CDH12: variants seen among roughly 807,000 people sequenced by gnomAD.
CDH12 encodes the protein cadherin-12.
A neutral mutation model predicts 74.1 loss-of-function variants in CDH12; 41 were observed. The observed-to-expected ratio is 0.55, with a 90% CI of 0.43 to 0.72. The LOEUF is 0.72. Among genes scored for constraint, CDH12 ranks in the 30% least tolerant of loss-of-function variants. The probability of loss-of-function intolerance (pLI) is 0.00; values close to 1 mark genes in which losing one functional copy is unlikely to be tolerated. For missense variants in CDH12, 945 were observed against 977.2 expected (o/e 0.97, Z 0.44); for synonymous variants, 399 against 355.0 (o/e 1.12, Z -1.39).
chr5:22,393,383 C>T (rs577928706), intron 3 of CDH12, among the ~76,000 whole-genome samples: 1 of 152,198 alleles, frequency 6.6e-6, no homozygotes, highest in African/African-American at 2.4e-5. Flanking sequence ...GCCTTGCTGA[C>T]ACTTCGATTT....
chr5:22,764,076 T>C (rs1305410235), intron 1 of CDH12, among the ~76,000 whole-genome samples: 1 of 149,040 alleles, frequency 6.7e-6, no homozygotes, highest in African/African-American at 2.5e-5. Context: ...ATACACGTGC[T>C]TTTTACATTT....
chr5:21,893,680 G>T (rs928170221), intron 6 of CDH12, among the ~76,000 whole-genome samples: 1 of 152,164 alleles, frequency 6.6e-6, no homozygotes, highest in Non-Finnish European at 1.5e-5. Flanking sequence ...TGTTTTCAGT[G>T]GGTGAAATAT....
At chr5:22,336,666 TG>T (rs1336326864) in intron 3 of CDH12, among the ~76,000 whole-genome samples, 2 of 152,184 alleles carry the variant, frequency 1.3e-5, no homozygotes, top group East Asian at 3.9e-4. Context: ...AGTCAAGAAT[TG>T]GGGTTTGGGA....
chr5:22,386,221 G>A (rs1052678688), intron 3 of CDH12, among the ~76,000 whole-genome samples: 30 of 152,184 alleles, frequency 2.0e-4, no homozygotes, highest in East Asian at 7.8e-4. Flanking sequence ...ACCAGATCTT[G>A]TGAGACCTCA....
intron 3 of CDH12, among the ~76,000 whole-genome samples, chr5:22,280,526 A>C (rs184120185): frequency 6.6e-6 from 1 of 152,294 alleles, no homozygotes; most frequent in East Asian, 1.9e-4. Context: ...CGCAATAAAA[A>C]ATAATAAAGG....
intron 1 of CDH12, among the ~76,000 whole-genome samples, chr5:22,730,556 A>T (rs549763295): frequency 6.6e-6 from 1 of 151,952 alleles, no homozygotes; most frequent in South Asian, 2.1e-4. Context: ...GTTTCAGTAC[A>T]TTCACACCTT....
intron 6 of CDH12, among the ~76,000 whole-genome samples, chr5:21,857,003 G>A (rs79025588): frequency 0.013 from 1,989 of 151,928 alleles, 40 homozygotes; most frequent in African/African-American, 0.045. Context: ...CACCACGATA[G>A]CAGCTTCTTT....
At chr5:21,819,020 T>C (rs1014871530) in intron 8 of CDH12, among the ~76,000 whole-genome samples, 1 of 152,014 alleles carries the variant, frequency 6.6e-6, no homozygotes, top group Non-Finnish European at 1.5e-5. Context: ...TAATGTTTGC[T>C]GAACTTAAAG....
chr5:21,757,047 G>T (rs1450080745), intron 13 of CDH12, among the ~76,000 whole-genome samples: 2 of 152,174 alleles, frequency 1.3e-5, no homozygotes, highest in Non-Finnish European at 2.9e-5. Context: ...TTCATAATCT[G>T]AGTGAAAATG....
chr5:22,216,238 G>A (rs1283028458), intron 3 of CDH12, among the ~76,000 whole-genome samples: 6 of 151,986 alleles, frequency 3.9e-5, no homozygotes, highest in Non-Finnish European at 1.5e-5. Flanking sequence ...TTGTGATTGT[G>A]ATTTATTGAA....
intron 4 of CDH12, among the ~76,000 whole-genome samples, chr5:22,170,672 C>T (rs1748969742): frequency 6.6e-6 from 1 of 151,626 alleles, no homozygotes; most frequent in Admixed American, 6.6e-5. Flanking sequence ...TACTTCTGAA[C>T]TCACGTTTCT....
chr5:22,711,151 A>C (rs978561409), intron 1 of CDH12, among the ~76,000 whole-genome samples: 2 of 152,176 alleles, frequency 1.3e-5, no homozygotes, highest in African/African-American at 4.8e-5. Context: ...AAAGAACAAA[A>C]CATATAATAA....
intron 4 of CDH12, among the ~76,000 whole-genome samples, chr5:22,147,148 T>C (rs530744749): frequency 8.5e-5 from 13 of 152,328 alleles, no homozygotes; most frequent in African/African-American, 3.1e-4. Context: ...TCTCATTCTG[T>C]ACTTACTTTG....
Position 22,064,376 on chromosome 5 carries a change from T to C in CDH12, c.231+14070A>G, listed in dbSNP as rs563878154. 3.1e-3 allele frequency among the ~76,000 whole-genome samples: 473 copies of C among 152,282 alleles called. 2 individuals are homozygous for C. The highest frequency in any genetic ancestry group is 5.0e-3 in the Non-Finnish European group (341 of 68,024). On this transcript the variant is annotated intron_variant, in intron 5 of 14. Transcript: ENST00000382254. Reference sequence around the variant, plus strand: ...ACACACATATTCTGTTTTTCTGGAGTATTTTGACTAATGTAAATTTGGTAG... The same window carrying C: ...ACACACATATTCTGTTTTTCTGGAGCATTTTGACTAATGTAAATTTGGTAG...
intron 3 of CDH12, among the ~76,000 whole-genome samples, chr5:22,265,797 G>A (rs1042695945): frequency 6.6e-6 from 1 of 151,930 alleles, no homozygotes; most frequent in African/African-American, 2.4e-5. Context: ...GATAATATAA[G>A]AGGGAAGATA....
intron 1 of CDH12, among the ~76,000 whole-genome samples, chr5:22,619,385 T>C (rs1372222315): frequency 1.3e-5 from 2 of 152,124 alleles, no homozygotes; most frequent in African/African-American, 4.8e-5. Flanking sequence ...TTCCTGCTGA[T>C]TTTATAGTAA....
chr5:21,961,967 T>C (rs1756382060), intron 6 of CDH12, among the ~76,000 whole-genome samples: 1 of 152,176 alleles, frequency 6.6e-6, no homozygotes, highest in African/African-American at 2.4e-5. Context: ...TGATGTTCTC[T>C]TCCCTTGGTT....
At chr5:21,866,346 A>C (rs559274080) in intron 6 of CDH12, among the ~76,000 whole-genome samples, 1 of 152,332 alleles carries the variant, frequency 6.6e-6, no homozygotes, top group Admixed American at 6.5e-5. Flanking sequence ...AAGACAGGAA[A>C]ACGTGGGACA....
intron 6 of CDH12, among the ~76,000 whole-genome samples, chr5:21,953,171 C>CTTTCCCCCACT (rs1755941606): frequency 6.6e-6 from 1 of 151,926 alleles, no homozygotes; most frequent in Non-Finnish European, 1.5e-5. Context: ...TTAATAAGAT[C>CTTTCCCCCACT]CTTGGTCTTT....
Sources: allele counts gnomAD v4.1 joint callset (sites outside exome capture counted in the v4.1 genomes callset), GRCh38; gene constraint gnomAD v4.1.1; transcripts MANE v1.5; gene names NCBI Gene and HGNC (gene_info 2026-07-23, HGNC 2026-07-21).